Variants in KAZN observed in about 807,000 individuals in gnomAD.
KAZN encodes kazrin.
A neutral mutation model predicts 87.4 loss-of-function variants in KAZN; 40 were observed. That is an observed-to-expected ratio of 0.46 (90% CI 0.36 to 0.60). The LOEUF is 0.60. Among genes scored for constraint, KAZN ranks in the 20% least tolerant of loss-of-function variants. KAZN has a pLI of 0.00. For synonymous variants in KAZN, 466 were observed against 458.3 expected, an observed-to-expected ratio of 1.02 and a Z score of -0.22; for missense variants, 898 against 1,073.9, an observed-to-expected ratio of 0.84 and a Z score of 2.29.
rs535883400 is a variant in KAZN at position 14,911,483 on chromosome 1, C to T, written c.227-49201C>T. On this transcript the variant is annotated intron_variant, in intron 1 of 14. Transcript: ENST00000376030. ...AAACGCTGGCTCCACCTCCCAGCTC[C>T]GGCATCCTGCATTTCCGAGTGGGAA... Among the ~76,000 whole-genome samples, 5 of 152,314 alleles carry T rather than the reference C, an allele frequency of 3.3e-5. No homozygotes were observed. In the East Asian group the frequency reaches 9.7e-4, roughly 29 times the overall value.
intron 2 of KAZN, among the ~76,000 whole-genome samples, chr1:14,246,429 C>T (rs952680205): frequency 6.6e-6 from 1 of 152,078 alleles, no homozygotes; most frequent in African/African-American, 2.4e-5. Context: ...TATTTAAGAA[C>T]ACTTTATTAA....
intron 2 of KAZN, among the ~76,000 whole-genome samples, chr1:14,223,578 T>A (rs956136193): frequency 4.6e-5 from 7 of 152,204 alleles, no homozygotes; most frequent in African/African-American, 1.7e-4. Flanking sequence ...GTCTTCTTCT[T>A]CCTTATGTTC....
rs1640016249 is a variant in KAZN at position 15,081,787 on chromosome 1, CAGGGTGCCA to C, written c.1223-12388_1223-12380del. Among the ~76,000 whole-genome samples, 2 of 152,108 alleles carry C rather than the reference CAGGGTGCCA, an allele frequency of 1.3e-5. No homozygotes were observed. Among genetic ancestry groups the C allele is most frequent in the Non-Finnish European group, 2.9e-5 (2 of 68,014 alleles). The stretch of plus-strand genomic sequence containing the variant: ...GGGCATCGGGGAAATGCAGGAAGCC[CAGGGTGCCA>C]AGGGCAGGGGTGAGAAGCTAAGGAT... On this transcript the variant is annotated intron_variant, in intron 8 of 14. Transcript: ENST00000376030. This position sits in a 1 kb window ranked among gnomAD's most constrained non-coding sequence, Gnocchi z 4.1.
chr1:15,052,357 T>C (rs1250150767), intron 4 of KAZN, among the ~76,000 whole-genome samples: 1 of 152,094 alleles, frequency 6.6e-6, no homozygotes, highest in African/African-American at 2.4e-5. Context: ...GGAACTGCCT[T>C]TTATAAAACC....
intron 1 of KAZN, among the ~76,000 whole-genome samples, chr1:14,026,567 T>A (rs769833748): frequency 2.0e-4 from 30 of 152,160 alleles, no homozygotes; most frequent in Non-Finnish European, 3.7e-4. Flanking sequence ...TTAAAAATAA[T>A]TTGTCGAGTG....
chr1:14,870,071 C>T (rs1651971115), intron 1 of KAZN, among the ~76,000 whole-genome samples: 1 of 152,234 alleles, frequency 6.6e-6, no homozygotes, highest in African/African-American at 2.4e-5. Flanking sequence ...GGTCTCATCT[C>T]TGTGGAAAAT....
chr1:14,356,368 T>C (rs1659031093), intron 2 of KAZN, among the ~76,000 whole-genome samples: 1 of 152,228 alleles, frequency 6.6e-6, no homozygotes, highest in Non-Finnish European at 1.5e-5. Flanking sequence ...TCTTTCATTC[T>C]GTAGGCTGCC....
At chr1:14,321,794 C>T (rs1441828418) in intron 2 of KAZN, among the ~76,000 whole-genome samples, 2 of 152,094 alleles carry the variant, frequency 1.3e-5, no homozygotes, top group East Asian at 3.9e-4. Context: ...TTAAAGAGAG[C>T]ACATTTCCTA....
At chr1:14,965,966 T>C (rs908187223) in intron 2 of KAZN, among the ~76,000 whole-genome samples, 1 of 149,854 alleles carries the variant, frequency 6.7e-6, no homozygotes, top group African/African-American at 2.5e-5. Flanking sequence ...GTTATCTTTT[T>C]CTTTCCTTTC....
intron 1 of KAZN, among the ~76,000 whole-genome samples, chr1:14,741,318 G>A (rs1409224996): frequency 6.6e-6 from 1 of 152,234 alleles, no homozygotes; most frequent in Non-Finnish European, 1.5e-5. Flanking sequence ...TGTCGGGCAT[G>A]AGGATGCTAG....
intron 1 of KAZN, among the ~76,000 whole-genome samples, chr1:14,624,401 A>G (rs1678943727): frequency 1.3e-5 from 2 of 151,650 alleles, no homozygotes; most frequent in South Asian, 4.2e-4. Flanking sequence ...CAGCCTGGCC[A>G]ACAGAGCGAG....
intron 2 of KAZN, among the ~76,000 whole-genome samples, chr1:14,259,734 A>G (rs1650862131): frequency 6.6e-6 from 1 of 152,236 alleles, no homozygotes; most frequent in Admixed American, 6.5e-5. Context: ...TCTTTGATGC[A>G]GGGCTAGACA....
intron 2 of KAZN, among the ~76,000 whole-genome samples, chr1:14,424,771 C>T (rs1036931519): frequency 3.3e-5 from 5 of 152,192 alleles, no homozygotes; most frequent in East Asian, 1.9e-4. Context: ...CTTTAGCCAA[C>T]GCCTCAAGCC....
chr1:15,050,789 G>A (rs561372400), intron 4 of KAZN, among the ~76,000 whole-genome samples: 14 of 150,548 alleles, frequency 9.3e-5, no homozygotes, highest in East Asian at 2.1e-4. Context: ...CACGCCTGTC[G>A]TTGCCCCCAC....
intron 2 of KAZN, among the ~76,000 whole-genome samples, chr1:14,431,521 C>G (rs1225021748): frequency 6.6e-6 from 1 of 152,156 alleles, no homozygotes; most frequent in Non-Finnish European, 1.5e-5. Context: ...AGTATTGTTT[C>G]TGGGTGTGTC....
At position 15,044,131 on chromosome 1, in the gene KAZN, T is replaced by C; in HGVS notation, c.698T>C (p.Met233Thr). Residue 233 changes from methionine (M) to threonine (T), a missense_variant, in exon 4 of 15, where the codon ATG (methionine) becomes ACG (threonine). Met to Thr is a moderately conservative substitution (Grantham distance 81, BLOSUM62 -1). Coordinates refer to ENST00000376030, the MANE Select transcript of KAZN (RefSeq NM_201628.3). ...RSQLDLKDNR[M>T]KELEAELAMA... ...CAGCTGGACCTCAAGGACAACCGGATGAAGGAGCTGGAGGCCGAGCTGGCC... is the reference window on the plus strand; with the variant it reads ...CAGCTGGACCTCAAGGACAACCGGACGAAGGAGCTGGAGGCCGAGCTGGCC... 1.2e-6 allele frequency: 2 copies of C among 1,609,344 alleles called. No homozygotes were observed. Among genetic ancestry groups the C allele is most frequent in the South Asian group, 1.1e-5 (1 of 90,476 alleles).
At chr1:14,431,292 T>C (rs780835095) in intron 2 of KAZN, among the ~76,000 whole-genome samples, 2 of 152,146 alleles carry the variant, frequency 1.3e-5, no homozygotes, top group Non-Finnish European at 2.9e-5. Context: ...CATTTGGGGA[T>C]CCATTTTATA....
At chr1:14,460,269 C>T (rs78879905) in intron 2 of KAZN, among the ~76,000 whole-genome samples, 11,314 of 152,294 alleles carry the variant, frequency 0.074, 630 homozygotes, top group South Asian at 0.13. Context: ...TGCTGGATGT[C>T]GGGCTTGGGC....
chr1:14,779,736 C>T (rs1435031057), intron 1 of KAZN, among the ~76,000 whole-genome samples: 1 of 152,136 alleles, frequency 6.6e-6, no homozygotes, highest in African/African-American at 2.4e-5. Context: ...GATTAAGGCT[C>T]AGTGTATTCT....
Sources: gnomAD v4.1 joint callset for allele counts (sites outside exome capture counted in the v4.1 genomes callset) on GRCh38, gnomAD v4.1.1 for gene constraint, Gnocchi (gnomAD v3.1) non-coding constraint, MANE v1.5 for transcripts, NCBI Gene and HGNC (gene_info 2026-07-23, HGNC 2026-07-21) for gene names.